The following BRMS1L variants were observed in gnomAD, a reference collection of about 807,000 sequenced individuals.
BRMS1L encodes the protein BRMS1 like transcriptional repressor.
A neutral mutation model predicts 50.3 loss-of-function variants in BRMS1L; 23 were observed. That is an observed-to-expected ratio of 0.46 (90% CI 0.33 to 0.65). The LOEUF is 0.65. Among genes scored for constraint, BRMS1L ranks in the 30% least tolerant of loss-of-function variants. BRMS1L has a pLI of 0.02. For missense variants in BRMS1L, 286 were observed against 386.1 expected (o/e 0.74, Z 2.17); for synonymous variants, 114 against 126.9 (o/e 0.90, Z 0.69).
chr14:35,870,935 A>G lies in BRMS1L; in HGVS notation c.*458A>G, dbSNP rs1279291548. On this transcript the variant is annotated 3_prime_UTR_variant, in exon 10 of 10. Coordinates refer to ENST00000216807, the MANE Select transcript of BRMS1L (RefSeq NM_032352.4). ...AGTGTTAAACCAGAACTGAAATTTA[A>G]ACATATATATATATGAGGATGTATA... 1 of 153,034 alleles carries G rather than the reference A, an allele frequency of 6.5e-6. No individual in the cohort carries two copies. Among genetic ancestry groups the G allele is most frequent in the African/African-American group, 2.4e-5 (1 of 41,448 alleles). The allele number at this position is 153,034 out of a possible 1,614,324, so 9.5% of individuals were successfully genotyped here. A position where few individuals can be genotyped will look rare whatever the true frequency, so the allele number is the denominator to read the frequency against.
At chr14:35,868,790 A>T (rs2078452729) in intron 9 of BRMS1L, among the ~76,000 whole-genome samples, 1 of 152,162 alleles carries the variant, frequency 6.6e-6, no homozygotes, top group South Asian at 2.1e-4. Flanking sequence ...TAACAACAAC[A>T]ACAACAAACA....
intron 1 of BRMS1L, among the ~76,000 whole-genome samples, chr14:35,829,507 G>C (rs1266493674): frequency 6.6e-6 from 1 of 152,174 alleles, no homozygotes; most frequent in Non-Finnish European, 1.5e-5. Flanking sequence ...TTTGCAGTTT[G>C]CTTCTGTTAA....
intron 1 of BRMS1L, among the ~76,000 whole-genome samples, chr14:35,827,175 T>C (rs1367730789): frequency 6.6e-6 from 1 of 152,218 alleles, no homozygotes; most frequent in Non-Finnish European, 1.5e-5. Context: ...CCCTGAAGTT[T>C]GCAAGACTGA....
At chr14:35,838,039 A>C (rs915207104) in intron 4 of BRMS1L, among the ~76,000 whole-genome samples, 10 of 151,674 alleles carry the variant, frequency 6.6e-5, no homozygotes, top group Admixed American at 2.0e-4. Flanking sequence ...CCACCCTCCC[A>C]CAGGCCTCGG....
At chr14:35,826,727 A>G in intron 1 of BRMS1L, 69 bp downstream of exon 1, 2 of 1,576,200 alleles carry the variant, frequency 1.3e-6, no homozygotes, top group South Asian at 1.1e-5. Context: ...TCCGCACGCC[A>G]GGCGGCTGCG....
At chr14:35,840,593 G>T (rs1415640407) in intron 4 of BRMS1L, among the ~76,000 whole-genome samples, 6 of 152,100 alleles carry the variant, frequency 3.9e-5, no homozygotes, top group African/African-American at 1.4e-4. Context: ...TTGATTTAGT[G>T]TTGGGAAGGT....
chr14:35,862,546 A>G (rs1465102793), intron 4 of BRMS1L, 44 bp from the exon 5 acceptor site: 1 of 1,379,114 alleles, frequency 7.3e-7, no homozygotes, highest in East Asian at 2.5e-5. Flanking sequence ...AAGATACACC[A>G]ATTTTTTTCT....
intron 4 of BRMS1L, among the ~76,000 whole-genome samples, chr14:35,856,612 G>T (rs1037241979): frequency 8.0e-5 from 10 of 125,544 alleles, no homozygotes; most frequent in East Asian, 2.7e-4. Context: ...ACATTTTTTT[G>T]GGGGGGGGTT....
intron 4 of BRMS1L, among the ~76,000 whole-genome samples, chr14:35,847,986 G>A (rs934210349): frequency 6.6e-6 from 1 of 152,082 alleles, no homozygotes. Flanking sequence ...CCACATCTTT[G>A]CTGTTATAAA....
intron 1 of BRMS1L, 32 bp downstream of exon 1, chr14:35,826,690 C>T: frequency 6.2e-7 from 1 of 1,603,088 alleles, no homozygotes; most frequent in Non-Finnish European, 8.5e-7. Flanking sequence ...CCCTGAGTCC[C>T]CGCGCCCAGC....
intron 4 of BRMS1L, among the ~76,000 whole-genome samples, chr14:35,841,380 G>A (rs576816672): frequency 6.6e-6 from 1 of 151,808 alleles, no homozygotes; most frequent in East Asian, 1.9e-4. Flanking sequence ...CTCACTGCAA[G>A]CTCTGCCTCC....
chr14:35,833,059 G>A lies in BRMS1L; in HGVS notation c.315G>A (p.Pro105=), dbSNP rs960969539. 2.5e-6 allele frequency: 4 copies of A among 1,613,020 alleles called. No individual in the cohort carries two copies. Among genetic ancestry groups the A allele is most frequent in the Non-Finnish European group, 2.5e-6 (3 of 1,179,368 alleles). ...IAGKAPEYLE[P]LATLQENMQI... is the part of the protein sequence containing the mutation. ...GAAAAGCACCAGAATACTTGGAACC[G>A]CTGGCAACTTTACAGGAAAATATGC... The change falls in exon 3 of 10, where the codon CCG becomes CCA. Residue 105 remains proline (P), a synonymous_variant. Transcript: ENST00000216807.
At chr14:35,836,819 C>T (rs879270065) in intron 4 of BRMS1L, among the ~76,000 whole-genome samples, 13 of 151,958 alleles carry the variant, frequency 8.6e-5, no homozygotes, top group South Asian at 2.1e-4. Context: ...GAGGCCGAGG[C>T]GGGCAGATCA....
rs1335273892 is a variant in BRMS1L, at chr14:35,870,450, A to G, written c.945A>G (p.Lys315=). The change falls in exon 10 of 10, where the codon AAA becomes AAG. Residue 315 remains lysine (K), a synonymous_variant. Coordinates refer to ENST00000216807, the MANE Select transcript of BRMS1L (RefSeq NM_032352.4). ...KSKLYISQLQ[K]GKYSIKHS ...AGCTTTACATTTCACAGCTACAGAA[A>G]GGAAAATATTCAATTAAACATTCAT... is the stretch of plus-strand genomic sequence containing the variant. The G allele has an allele frequency of 6.2e-7, 1 of 1,604,958 alleles. No homozygotes were observed. Among genetic ancestry groups the G allele is most frequent in the African/African-American group, 1.3e-5 (1 of 74,612 alleles).
chr14:35,855,968 A>T (rs2078274323), intron 4 of BRMS1L, among the ~76,000 whole-genome samples: 1 of 152,130 alleles, frequency 6.6e-6, no homozygotes, highest in African/African-American at 2.4e-5. Context: ...TGATCTTTCT[A>T]CCCATTCATG....
chr14:35,834,083 T>G (rs1463544776), intron 3 of BRMS1L, among the ~76,000 whole-genome samples: 1 of 152,156 alleles, frequency 6.6e-6, no homozygotes, highest in Non-Finnish European at 1.5e-5. Flanking sequence ...TGCAGAGTAG[T>G]GTGTGTGAAT....
At chr14:35,838,147 G>C (rs1026554469) in intron 4 of BRMS1L, among the ~76,000 whole-genome samples, 9 of 152,136 alleles carry the variant, frequency 5.9e-5, no homozygotes, top group African/African-American at 2.2e-4. Flanking sequence ...TTCTGTGTTA[G>C]TTTGCTGAGT....
intron 4 of BRMS1L, among the ~76,000 whole-genome samples, chr14:35,857,623 C>T (rs2078298536): frequency 6.6e-6 from 1 of 152,046 alleles, no homozygotes; most frequent in Admixed American, 6.6e-5. Flanking sequence ...GCCTGGCCCT[C>T]ATATTTCTAA....
chr14:35,858,120 G>A (rs538807528), intron 4 of BRMS1L, among the ~76,000 whole-genome samples: 115 of 152,082 alleles, frequency 7.6e-4, no homozygotes, highest in African/African-American at 2.6e-3. Context: ...AAAGTTAGGT[G>A]TAAACAGTGT....
Sources: gnomAD v4.1 joint callset for allele counts (sites outside exome capture counted in the v4.1 genomes callset) on GRCh38, gnomAD v4.1.1 for gene constraint, MANE v1.5 for transcripts, NCBI Gene and HGNC (gene_info 2026-07-23, HGNC 2026-07-21) for gene names.